FGFR3: variants seen among roughly 807,000 people sequenced by gnomAD.
The protein encoded by FGFR3 is fibroblast growth factor receptor 3.
FGFR3 carries 25 observed loss-of-function variants against 82.9 expected under a neutral mutation model. The observed-to-expected ratio is 0.30, with a 90% CI of 0.22 to 0.42. FGFR3 has a LOEUF of 0.42. Among genes scored for constraint, FGFR3 ranks in the 10% least tolerant of loss-of-function variants. The pLI is 1.00. For missense variants in FGFR3, 1,026 were observed against 1,161.0 expected (o/e 0.88, Z 1.69); for synonymous variants, 620 against 516.0 (o/e 1.20, Z -2.73).
rs373101038 is a variant in FGFR3, at chr4:1,801,758, G to T, written c.739+15G>T. On this transcript the variant is annotated intron_variant, in intron 6 of 17. Transcript: ENST00000440486. Reference sequence around the variant, plus strand: ...GGACGTGCTGGGTGAGGGCCCTGGGGCGGCGCGGGGGTGGGGGCGGCAGTG... The same window carrying T: ...GGACGTGCTGGGTGAGGGCCCTGGGTCGGCGCGGGGGTGGGGGCGGCAGTG... The T allele has an allele frequency of 1.7e-4, 273 of 1,594,386 alleles. 2 individuals carry two copies. The African/African-American group carries it at 3.3e-3, about 19-fold the overall frequency.
chr4:1,799,108 C>A, intron 2 of FGFR3, 146 bp from the exon 3 acceptor site: 1 of 1,137,800 alleles, frequency 8.8e-7, no homozygotes, highest in Non-Finnish European at 1.3e-6. Flanking sequence ...CCTTTTGGGA[C>A]ACAGTTTCCA....
At chr4:1,804,232 C>T in intron 8 of FGFR3, 98 bp from the exon 9 acceptor site, 6 of 1,387,932 alleles carry the variant, frequency 4.3e-6, no homozygotes, top group East Asian at 2.3e-5. Context: ...GAGCCCCCTT[C>T]CGCTCCCAGT....
At chr4:1,803,644 C>T (rs752268683) in intron 7 of FGFR3, 48 bp from the exon 8 acceptor site, 21 of 1,601,024 alleles carry the variant, frequency 1.3e-5, no homozygotes, top group South Asian at 3.3e-5. Context: ...GTGCGGTGCC[C>T]GCAGGGCGGT....
Position 1,805,945 on chromosome 4 carries a change from G to C in FGFR3, c.1836+5G>C, listed in dbSNP as rs1191598555. On this transcript the variant is annotated splice_donor_5th_base_variant and intron_variant, in intron 13 of 17. Transcript: ENST00000440486. Reference sequence around the variant, plus strand: ...GAGTACTTGGCCTCCCAGAAGGTGGGCAGGGCGGCAGGTGTGGGTGGAGTA... The same window carrying C: ...GAGTACTTGGCCTCCCAGAAGGTGGCCAGGGCGGCAGGTGTGGGTGGAGTA... 1 of 1,607,276 alleles carries C rather than the reference G, an allele frequency of 6.2e-7. No individual in the cohort carries two copies. The highest frequency in any genetic ancestry group is 2.2e-5 in the East Asian group (1 of 44,758).
chr4:1,805,236 G>A lies in FGFR3; in HGVS notation c.1413-119G>A, dbSNP rs931794000. On this transcript the variant is annotated intron_variant, in intron 10 of 17. Transcript: ENST00000440486. The stretch of plus-strand genomic sequence containing the variant: ...GAGCAGGCTGTAGGGGGAGCATGGA[G>A]GGCTTCCTGGAGGTGGTGGCTCTGG... 8 of 1,547,950 alleles carry A rather than the reference G, an allele frequency of 5.2e-6. No individual in the cohort carries two copies. The African/African-American group carries it at 5.4e-5, about 10-fold the overall frequency.
intron 2 of FGFR3, among the ~76,000 whole-genome samples, chr4:1,797,390 T>TG (rs17881889): frequency 0.01 from 1,529 of 151,886 alleles, 12 homozygotes; most frequent in African/African-American, 0.03. Flanking sequence ...AGGCAGGCAG[T>TG]GGGGGGGGCA....
At chr4:1,801,568 A>G (rs2108781224) in intron 5 of FGFR3, 32 bp downstream of exon 5, 1 of 1,578,362 alleles carries the variant, frequency 6.3e-7, no homozygotes, top group South Asian at 1.1e-5. Context: ...TGGGCCTGGC[A>G]GGCGCGGTGG....
At chr4:1,798,447 C>T (rs1001139585) in intron 2 of FGFR3, among the ~76,000 whole-genome samples, 2 of 152,130 alleles carry the variant, frequency 1.3e-5, no homozygotes, top group African/African-American at 4.8e-5. Flanking sequence ...GTACTTTGCT[C>T]TTCTCGGTAT....
At chr4:1,806,783 T>C (rs779553332) in intron 16 of FGFR3, 46 bp from the exon 17 acceptor site, 11 of 1,594,366 alleles carry the variant, frequency 6.9e-6, no homozygotes, top group Middle Eastern at 1.8e-4. Flanking sequence ...TGTTCCCGAA[T>C]AAGGCGGGAA....
rs1218766242 is a variant in FGFR3, at chr4:1,806,645, C to T, written c.2130C>T (p.Gly710=). 2 of 1,612,926 alleles carry T rather than the reference C, an allele frequency of 1.2e-6. No homozygotes were observed. Among genetic ancestry groups the T allele is most frequent in the African/African-American group, 2.7e-5 (2 of 74,880 alleles). The part of the protein sequence containing the change: ...VEELFKLLKE[G]HRMDKPANCT... The stretch of plus-strand genomic sequence containing the variant: ...AGCTCTTCAAGCTGCTGAAGGAGGG[C>T]CACCGCATGGACAAGCCCGCCAACT... Residue 710 remains glycine (G), a synonymous_variant, in exon 16 of 18, where the codon GGC becomes GGT. Transcript: ENST00000440486.
At chr4:1,793,625 G>C (rs1415085079) in intron 1 of FGFR3, among the ~76,000 whole-genome samples, 160 bp downstream of exon 1, 2 of 149,624 alleles carry the variant, frequency 1.3e-5, no homozygotes, top group Non-Finnish European at 3.0e-5. Context: ...CGCCCTGGGA[G>C]GGCTTTGCAG....
chr4:1,798,140 G>A (rs560393444), intron 2 of FGFR3, among the ~76,000 whole-genome samples: 19 of 152,198 alleles, frequency 1.2e-4, no homozygotes, highest in South Asian at 6.2e-4. Flanking sequence ...TGGGTCACAG[G>A]CTTTGGTGGC....
rs2108814659 is a variant in FGFR3 at position 1,806,894 on chromosome 4, T to A, written c.2234T>A (p.Val745Glu). 1 of 1,611,474 alleles carries A rather than the reference T, an allele frequency of 6.2e-7. No homozygotes were observed. Among genetic ancestry groups the A allele is most frequent in the Non-Finnish European group, 8.5e-7 (1 of 1,179,506 alleles). ...PSQRPTFKQLVEDLDRVLTVT... is the reference protein window; with the variant it reads ...PSQRPTFKQLEEDLDRVLTVT... ...CAGAGGCCCACCTTCAAGCAGCTGG[T>A]GGAGGACCTGGACCGTGTCCTTACC... The change falls in exon 17 of 18, where the codon GTG becomes GAG. Residue 745 changes from valine to glutamate, a missense_variant. Transcript: ENST00000440486.
chr4:1,796,196 C>T (rs1476187427), intron 2 of FGFR3, among the ~76,000 whole-genome samples: 1 of 152,264 alleles, frequency 6.6e-6, no homozygotes, highest in East Asian at 1.9e-4. Context: ...GACCTCTAGG[C>T]TGCCAGCTCA....
At chr4:1,802,859 TGCCCGGCGGG>T in intron 7 of FGFR3, 1 of 1,534,286 alleles carries the variant, frequency 6.5e-7, no homozygotes, top group South Asian at 1.2e-5. Flanking sequence ...TCCTGCCTCG[TGCCCGGCGGG>T]GCTGCCTCGG....
intron 4 of FGFR3, among the ~76,000 whole-genome samples, chr4:1,800,506 G>A (rs1721055731): frequency 6.6e-6 from 1 of 152,206 alleles, no homozygotes; most frequent in South Asian, 2.1e-4. Flanking sequence ...GTAAGCAGGT[G>A]AGGAAGGGAG....
intron 2 of FGFR3, among the ~76,000 whole-genome samples, chr4:1,797,383 C>T (rs987729637): frequency 6.6e-6 from 1 of 152,152 alleles, no homozygotes; most frequent in Non-Finnish European, 1.5e-5. Flanking sequence ...ACCTAGCAGG[C>T]AGGCAGTGGG....
chr4:1,795,750 G>A (rs977262796), intron 2 of FGFR3, among the ~76,000 whole-genome samples: 1 of 152,174 alleles, frequency 6.6e-6, no homozygotes, highest in African/African-American at 2.4e-5. Context: ...CAGGGTGCAG[G>A]GAGGTACACA....
chr4:1,801,832 C>A lies in FGFR3; in HGVS notation c.740-3C>A. ...GGCCCCTGAGCGTCATCTGCCCCCA[C>A]AGAGCGCTCCCCGCACCGGCCCATC... On this transcript the variant is annotated splice_region_variant and splice_polypyrimidine_tract_variant and intron_variant, in intron 6 of 17. Transcript: ENST00000440486. 6.2e-7 allele frequency: 1 copy of A among 1,605,372 alleles called. No individual in the cohort carries two copies.
Sources: allele counts gnomAD v4.1 joint callset (sites outside exome capture counted in the v4.1 genomes callset), GRCh38; gene constraint gnomAD v4.1.1; transcripts MANE v1.5; gene names NCBI Gene and HGNC (gene_info 2026-07-23, HGNC 2026-07-21).